The following FAT4 variants were observed in gnomAD, a reference collection of about 807,000 sequenced individuals.
FAT4 encodes FAT atypical cadherin 4, also known as protocadherin Fat 4.
FAT4 carries 84 observed loss-of-function variants against 303.9 expected under a neutral mutation model. The ratio of observed to expected loss-of-function variants is 0.28; its 90% CI spans 0.23 to 0.33. The LOEUF (loss-of-function observed/expected upper bound fraction) is 0.33, where lower values mean the gene tolerates loss of function less well. FAT4 is among the 10% of genes least tolerant of loss of function. FAT4 has a pLI of 1.00. For synonymous variants in FAT4, 2,307 were observed against 2,298.8 expected, an observed-to-expected ratio of 1.00 and a Z score of -0.10; for missense variants, 6,005 against 6,146.8, an observed-to-expected ratio of 0.98 and a Z score of 0.77.
chr4:125,421,924 G>T (rs1404560192), intron 7 of FAT4, among the ~76,000 whole-genome samples: 1 of 151,820 alleles, frequency 6.6e-6, no homozygotes, highest in African/African-American at 2.4e-5. Flanking sequence ...AGGAAATCAG[G>T]ATATTCCTTA....
chr4:125,416,947 A>T (rs1198195215), intron 7 of FAT4, among the ~76,000 whole-genome samples: 2 of 152,176 alleles, frequency 1.3e-5, no homozygotes, highest in African/African-American at 4.8e-5. Context: ...ACTCGTCTCA[A>T]AATAAACAAA....
intron 2 of FAT4, among the ~76,000 whole-genome samples, chr4:125,366,391 G>C (rs1732887419): frequency 6.6e-6 from 1 of 152,100 alleles, no homozygotes; most frequent in Non-Finnish European, 1.5e-5. Context: ...TAAGGAAATG[G>C]TCTCCAGCTC....
intron 2 of FAT4, among the ~76,000 whole-genome samples, chr4:125,361,903 T>A (rs1176031099): frequency 6.6e-6 from 1 of 152,154 alleles, no homozygotes; most frequent in East Asian, 1.9e-4. Flanking sequence ...CCATGAGCAA[T>A]GGGACAAAAT....
chr4:125,324,257 T>C (rs1159515940), intron 2 of FAT4, among the ~76,000 whole-genome samples: 1 of 152,226 alleles, frequency 6.6e-6, no homozygotes, highest in African/African-American at 2.4e-5. Flanking sequence ...AATAGATATA[T>C]GTACTTCAGT....
chr4:125,484,553 A>C (rs568016858), intron 16 of FAT4, among the ~76,000 whole-genome samples: 3 of 152,304 alleles, frequency 2.0e-5, no homozygotes, highest in Middle Eastern at 3.4e-3. Context: ...ATAAATGAAC[A>C]AATAAATGCA....
At chr4:125,358,266 G>A (rs959168595) in intron 2 of FAT4, among the ~76,000 whole-genome samples, 1 of 151,952 alleles carries the variant, frequency 6.6e-6, no homozygotes, top group Non-Finnish European at 1.5e-5. Context: ...CCAGGGACCG[G>A]TTTCATGGAA....
At chr4:125,359,146 A>G (rs17009524) in intron 2 of FAT4, among the ~76,000 whole-genome samples, 19,965 of 152,136 alleles carry the variant, frequency 0.13, 1,990 homozygotes, top group African/African-American at 0.27. Context: ...ACATCATCAC[A>G]TAGTAGCACA....
rs576154170 is a variant in FAT4, at chr4:125,321,061, T to C, written c.4650T>C (p.Ile1550=). 1.4e-5 allele frequency: 22 copies of C among 1,614,134 alleles called. No homozygotes were observed. The African/African-American group carries it at 1.9e-4, about 14-fold the overall frequency. The change falls in exon 2 of 18, where the codon ATT becomes ATC. Residue 1550 remains isoleucine (I), a synonymous_variant. Coordinates refer to ENST00000394329, the MANE Select transcript of FAT4 (RefSeq NM_001291303.3). ...TGATTGGTTCCGTTCTGACAACAAT[T>C]ATGGCTGCTGACCCAGATGAAGGTG... The part of the protein sequence containing the change: ...SAVIGSVLTT[I]MAADPDEGAN...
intron 8 of FAT4, among the ~76,000 whole-genome samples, chr4:125,437,845 C>T (rs969475211): frequency 2.0e-5 from 3 of 151,954 alleles, no homozygotes; most frequent in African/African-American, 7.3e-5. Context: ...ATTTCTGGAC[C>T]CGGTTTTCAG....
chr4:125,486,983 A>G (rs532922641), intron 16 of FAT4, among the ~76,000 whole-genome samples: 3 of 152,266 alleles, frequency 2.0e-5, no homozygotes, highest in African/African-American at 7.2e-5. Flanking sequence ...ACGAACCAGC[A>G]TAACACACTC....
intron 16 of FAT4, 113 bp downstream of exon 16, chr4:125,481,851 A>G: frequency 2.4e-6 from 2 of 849,254 alleles, no homozygotes; most frequent in Non-Finnish European, 3.7e-6. Context: ...TAGAGTTCCG[A>G]CTAATGCTGG....
At chr4:125,351,868 A>G (rs1276471562) in intron 2 of FAT4, among the ~76,000 whole-genome samples, 2 of 151,612 alleles carry the variant, frequency 1.3e-5, no homozygotes, top group Non-Finnish European at 3.0e-5. Context: ...CCCATTTATT[A>G]CTAAATTCTA....
chr4:125,435,206 G>A lies in FAT4; in HGVS notation c.7199+781G>A, dbSNP rs1047073955. Among the ~76,000 whole-genome samples the A allele has an allele frequency of 2.6e-5, 4 of 152,204 alleles. No individual in the cohort carries two copies. The East Asian group carries it at 5.8e-4, about 22-fold the overall frequency. On this transcript the variant is annotated intron_variant, in intron 8 of 17. Coordinates refer to ENST00000394329, the MANE Select transcript of FAT4 (RefSeq NM_001291303.3). ...ATATGATAACTTGTTCAGAGAGGAT[G>A]TGAAAGAAATTTGAGTTGCAACATT...
chr4:125,415,895 C>G, intron 6 of FAT4, 89 bp downstream of exon 6: 1 of 957,664 alleles, frequency 1.0e-6, no homozygotes, highest in Non-Finnish European at 1.5e-6. Context: ...TACGCTTCCC[C>G]TGTTCTCTCC....
chr4:125,448,537 T>C lies in FAT4; in HGVS notation c.7527T>C (p.Gly2509=). The change falls in exon 10 of 18, where the codon GGT becomes GGC. Residue 2509 remains glycine, a synonymous_variant. Transcript: ENST00000394329. ...PNSELHYSLS[G]RNSEKFHIDP... is the part of the protein sequence containing the mutation. ...CTGAACTGCATTATTCTCTTTCGGGTAGAAATTCTGAAAAATTTCACATTG... is the reference window on the plus strand; with the variant it reads ...CTGAACTGCATTATTCTCTTTCGGGCAGAAATTCTGAAAAATTTCACATTG... 1 of 1,613,874 alleles carries C rather than the reference T, an allele frequency of 6.2e-7. No homozygotes were observed. The highest frequency in any genetic ancestry group is 8.5e-7 in the Non-Finnish European group (1 of 1,179,872).
chr4:125,476,205 A>G lies in FAT4; in HGVS notation c.12248A>G (p.Asn4083Ser). The change falls in exon 13 of 18, where the codon AAC becomes AGC. Residue 4083 changes from asparagine to serine, a missense_variant. Transcript: ENST00000394329. ...TTAACTGTGGACTCCTGTTCTGAGA[A>G]CCAAGAGCCAGGATATTGTACTGTC... ...ASLTVDSCSE[N>S]QEPGYCTVSN... 6.2e-7 allele frequency: 1 copy of G among 1,603,492 alleles called. No individual in the cohort carries two copies.
In FAT4 at chr4:125,452,351, G is replaced by A. The variant is rs764537596; in HGVS notation, c.11341G>A (p.Val3781Ile). 13 of 1,614,066 alleles carry A rather than the reference G, an allele frequency of 8.1e-6. No homozygotes were observed. Among genetic ancestry groups the A allele is most frequent in the African/African-American group, 4.0e-5 (3 of 74,924 alleles). Residue 3781 changes from valine (V) to isoleucine (I), a missense_variant, in exon 10 of 18, where the codon GTA (valine) becomes ATA (isoleucine). Transcript: ENST00000394329. ...NHNQYVNPSGVATFFESIKEI... is the reference protein window; with the variant it reads ...NHNQYVNPSGIATFFESIKEI... The stretch of plus-strand genomic sequence containing the variant: ...TAATCAGTATGTGAATCCCAGTGGC[G>A]TAGCCACCTTCTTTGAAAGCATCAA...
intron 8 of FAT4, 199 bp from the exon 9 acceptor site, chr4:125,446,094 C>T (rs117292472): frequency 0.01 from 5,040 of 481,978 alleles, 219 homozygotes; most frequent in East Asian, 0.08. Flanking sequence ...GGACATCTCA[C>T]GATAAAGACT....
chr4:125,326,678 T>C (rs1731168957), intron 2 of FAT4, among the ~76,000 whole-genome samples: 1 of 152,200 alleles, frequency 6.6e-6, no homozygotes, highest in African/African-American at 2.4e-5. Context: ...CTCTTTGCCC[T>C]ATAGCTATGA....
Sources: allele counts gnomAD v4.1 joint callset (sites outside exome capture counted in the v4.1 genomes callset), GRCh38; gene constraint gnomAD v4.1.1; transcripts MANE v1.5; gene names NCBI Gene and HGNC (gene_info 2026-07-23, HGNC 2026-07-21).